TRIM42: variants seen among roughly 807,000 people sequenced by gnomAD.
TRIM42 encodes tripartite motif containing 42.
Under a neutral mutation model 64.9 loss-of-function variants are expected in TRIM42, and 59 were observed. That is an observed-to-expected ratio of 0.91 (90% confidence interval 0.74 to 1.13). The LOEUF is 1.13. TRIM42 is among the 50% of genes most tolerant of loss of function. The pLI, the probability that TRIM42 is intolerant of heterozygous loss-of-function variation, is 0.00. For missense variants in TRIM42, 878 were observed against 929.5 expected (o/e 0.94, Z 0.72); for synonymous variants, 354 against 346.3 (o/e 1.02, Z -0.25).
In TRIM42 at chr3:140,685,874, A is replaced by G. The variant is rs141581415; in HGVS notation, c.1040-1848A>G. 1.8e-4 allele frequency among the ~76,000 whole-genome samples: 28 copies of G among 152,340 alleles called. No homozygotes were observed. In the East Asian group the frequency reaches 4.8e-3, roughly 26 times the overall value. ...ATCTATAAGTGGAAACAATATCTTC[A>G]TTGTAAGAAGATATATGTGATAGAT... On this transcript the variant is annotated intron_variant, in intron 2 of 4. Coordinates refer to ENST00000286349, the MANE Select transcript of TRIM42 (RefSeq NM_152616.5).
In TRIM42 at chr3:140,678,072, C is replaced by T; in HGVS notation, c.-158C>T. 1.5e-6 allele frequency: 1 copy of T among 657,952 alleles called. No individual in the cohort carries two copies. The highest frequency in any genetic ancestry group is 1.8e-5 in the African/African-American group (1 of 55,298). 40.8% of individuals were successfully genotyped at this position (657,952 alleles called of 1,614,324 possible). A position where few individuals can be genotyped will look rare whatever the true frequency, so the allele number is the denominator to read the frequency against. On this transcript the variant is annotated 5_prime_UTR_variant, in exon 1 of 5. Transcript: ENST00000286349. ...CCTATGAGCTTCCTGGTAGGGACAC[C>T]AGCTGTGAAGTCCTCATAACAGCCA...
At position 140,682,836 on chromosome 3, in the gene TRIM42, A is replaced by G. The variant is rs1389244486; in HGVS notation, c.716A>G (p.Gln239Arg). ...CGCTCCTCCGGGCCCATCCTCTGCCAGGTCTGCCGCAACAAGCGCATCGCT... is the reference window on the plus strand; with the variant it reads ...CGCTCCTCCGGGCCCATCCTCTGCCGGGTCTGCCGCAACAAGCGCATCGCT... Reference protein sequence around the residue: ...FDRSSGPILCQVCRNKRIAYK... With the variant: ...FDRSSGPILCRVCRNKRIAYK... Residue 239 changes from glutamine (Q) to arginine (R), a missense_variant, in exon 2 of 5, where the codon CAG (glutamine) becomes CGG (arginine). Physicochemically the swap from Gln to Arg is conservative, Grantham distance 43. Coordinates refer to ENST00000286349, the MANE Select transcript of TRIM42 (RefSeq NM_152616.5). 1.9e-6 allele frequency: 3 copies of G among 1,614,164 alleles called. No homozygotes were observed. The highest frequency in any genetic ancestry group is 2.5e-6 in the Non-Finnish European group (3 of 1,180,024).
chr3:140,699,778 A>G (rs531431615), intron 4 of TRIM42, among the ~76,000 whole-genome samples: 22 of 152,304 alleles, frequency 1.4e-4, no homozygotes, highest in African/African-American at 5.3e-4. Context: ...ATTTCTACTC[A>G]GCAATGGATA....
chr3:140,685,365 C>A (rs907673658), intron 2 of TRIM42, among the ~76,000 whole-genome samples: 7 of 152,190 alleles, frequency 4.6e-5, no homozygotes, highest in Non-Finnish European at 5.9e-5. Context: ...TCATGTGATT[C>A]TATGGTGCAG....
At position 140,692,530 on chromosome 3, in the gene TRIM42, T is replaced by TACACACACAC. The variant is rs1553763786; in HGVS notation, c.2085+1362_2085+1371dup. ...CCATGGACACACACACACATACACA[T>TACACACACAC]ACACACACACACACACACACACACA... is the stretch of plus-strand genomic sequence containing the variant. On this transcript the variant is annotated intron_variant, in intron 4 of 4. Transcript: ENST00000286349. Among the ~76,000 whole-genome samples the TACACACACAC allele has an allele frequency of 6.4e-3, 693 of 108,482 alleles. 11 individuals are homozygous for TACACACACAC. Among genetic ancestry groups the TACACACACAC allele is most frequent in the African/African-American group, 0.019 (594 of 30,960 alleles). The allele number at this position is 108,482 out of a possible 152,430, so 71.2% of individuals were successfully genotyped here. A position where few individuals can be genotyped will look rare whatever the true frequency, so the allele number is the denominator to read the frequency against.
chr3:140,693,123 C>G (rs1988764937), intron 4 of TRIM42, among the ~76,000 whole-genome samples: 1 of 151,732 alleles, frequency 6.6e-6, no homozygotes, highest in Non-Finnish European at 1.5e-5. Flanking sequence ...GAAAATGTGA[C>G]CAAATAAATG....
chr3:140,692,622 T>C (rs1356531437), intron 4 of TRIM42, among the ~76,000 whole-genome samples: 1 of 148,222 alleles, frequency 6.7e-6, no homozygotes, highest in African/African-American at 2.5e-5. Flanking sequence ...GGATGTGAGA[T>C]GGGGAAGCCT....
intron 1 of TRIM42, among the ~76,000 whole-genome samples, chr3:140,679,209 C>T (rs79474856): frequency 1.3e-5 from 2 of 152,064 alleles, no homozygotes; most frequent in African/African-American, 2.4e-5. Flanking sequence ...CACTTTTGAC[C>T]CTGCGGACCA....
Position 140,701,051 on chromosome 3 carries a change from T to G in TRIM42, c.*77T>G. 4.0e-6 allele frequency: 5 copies of G among 1,258,418 alleles called. No homozygotes were observed. Among genetic ancestry groups the G allele is most frequent in the East Asian group, 2.6e-5 (1 of 39,058 alleles). 78.0% of individuals were successfully genotyped at this position (1,258,418 alleles called of 1,614,324 possible). Reference sequence around the variant, plus strand: ...CACACACATATATGTATGTATATTTTTCTCACCACATTCTTCAAGGAGGTT... The same window carrying G: ...CACACACATATATGTATGTATATTTGTCTCACCACATTCTTCAAGGAGGTT... On this transcript the variant is annotated 3_prime_UTR_variant, in exon 5 of 5. Coordinates refer to ENST00000286349, the MANE Select transcript of TRIM42 (RefSeq NM_152616.5).
At chr3:140,686,934 T>C (rs1988558920) in intron 2 of TRIM42, among the ~76,000 whole-genome samples, 1 of 152,234 alleles carries the variant, frequency 6.6e-6, no homozygotes, top group Non-Finnish European at 1.5e-5. Flanking sequence ...GATTTATTCA[T>C]ACCTTGAGCA....
chr3:140,685,718 C>A (rs1299455434), intron 2 of TRIM42, among the ~76,000 whole-genome samples: 2 of 152,052 alleles, frequency 1.3e-5, no homozygotes. Flanking sequence ...GGCTGAGAGC[C>A]ACAGCTGAAG....
At chr3:140,696,000 C>T (rs760428468) in intron 4 of TRIM42, among the ~76,000 whole-genome samples, 3 of 152,146 alleles carry the variant, frequency 2.0e-5, no homozygotes, top group Non-Finnish European at 2.9e-5. Context: ...CCTTTGCTTG[C>T]CCTGTAGATA....
chr3:140,697,545 C>G (rs149061183), intron 4 of TRIM42, among the ~76,000 whole-genome samples: 4 of 152,266 alleles, frequency 2.6e-5, no homozygotes, highest in African/African-American at 9.6e-5. Context: ...TGTACTCTGC[C>G]TATGTAGTCC....
At position 140,688,089 on chromosome 3, in the gene TRIM42, G is replaced by T. The variant is rs1385335318; in HGVS notation, c.1407G>T (p.Leu469=). 6.2e-7 allele frequency: 1 copy of T among 1,614,014 alleles called. No individual in the cohort carries two copies. Among genetic ancestry groups the T allele is most frequent in the South Asian group, 1.1e-5 (1 of 91,068 alleles). Reference sequence around the variant, plus strand: ...ACAGGCCTGACCCACAGCTCCGGCTGCACTCAATAAACTACGTGCCCTTGG... The same window carrying T: ...ACAGGCCTGACCCACAGCTCCGGCTTCACTCAATAAACTACGTGCCCTTGG... ...TTYRPDPQLR[L]HSINYVPLDF... Residue 469 remains leucine, a synonymous_variant, in exon 3 of 5, where the codon CTG becomes CTT. Coordinates refer to ENST00000286349, the MANE Select transcript of TRIM42 (RefSeq NM_152616.5).
intron 4 of TRIM42, among the ~76,000 whole-genome samples, chr3:140,696,985 T>C (rs560085042): frequency 4.7e-4 from 72 of 152,298 alleles, no homozygotes; most frequent in Middle Eastern, 3.4e-3. Context: ...ACCACATCCA[T>C]GTACACTTCC....
chr3:140,691,607 T>A (rs375779939), intron 4 of TRIM42, among the ~76,000 whole-genome samples: 1 of 152,338 alleles, frequency 6.6e-6, no homozygotes, highest in East Asian at 1.9e-4. Flanking sequence ...AAATACAGGA[T>A]GCCCAGTTAA....
chr3:140,680,711 A>T, intron 1 of TRIM42: 1 of 985,346 alleles, frequency 1.0e-6, no homozygotes, highest in Non-Finnish European at 1.2e-6. Context: ...GAGGAAATAG[A>T]GGTGAGAACA....
Position 140,683,102 on chromosome 3 carries a change from G to T in TRIM42, c.982G>T (p.Asp328Tyr), listed in dbSNP as rs752583620. ...TGGCCACGACACCATTAGCCTCATC[G>T]ACGCCTGCTCCGAGAGGGCCGCCTC... ...HNGHDTISLIDACSERAASLF... is the reference protein window; with the variant it reads ...HNGHDTISLIYACSERAASLF... The change falls in exon 2 of 5, where the codon GAC (aspartate) becomes TAC (tyrosine). Residue 328 changes from aspartate to tyrosine, a missense_variant. Physicochemically the swap from Asp to Tyr is radical, Grantham distance 160. Coordinates refer to ENST00000286349, the MANE Select transcript of TRIM42 (RefSeq NM_152616.5). 1 of 1,614,124 alleles carries T rather than the reference G, an allele frequency of 6.2e-7. No homozygotes were observed. The highest frequency in any genetic ancestry group is 8.5e-7 in the Non-Finnish European group (1 of 1,180,012).
chr3:140,683,200 A>C lies in TRIM42; in HGVS notation c.1039+41A>C, dbSNP rs767232411. 1.8e-5 allele frequency: 28 copies of C among 1,599,548 alleles called. No individual in the cohort carries two copies. The Admixed American group carries it at 4.7e-4, about 27-fold the overall frequency. On this transcript the variant is annotated intron_variant, in intron 2 of 4. Transcript: ENST00000286349. ...ACTCCTTCAGCCTAACTTCTAGTTCAGGAACACATGGGGAAGATGGCGTGG... is the reference window on the plus strand; with the variant it reads ...ACTCCTTCAGCCTAACTTCTAGTTCCGGAACACATGGGGAAGATGGCGTGG...
Sources: gnomAD v4.1 joint callset for allele counts (sites outside exome capture counted in the v4.1 genomes callset) on GRCh38, gnomAD v4.1.1 for gene constraint, MANE v1.5 for transcripts, NCBI Gene and HGNC (gene_info 2026-07-23, HGNC 2026-07-21) for gene names.